The following TAB3 variants were observed in gnomAD, a reference collection of about 807,000 sequenced individuals.
TAB3 encodes TGF-beta-activated kinase 1 and MAP3K7-binding protein 3.
Under a neutral mutation model 48.1 loss-of-function variants are expected in TAB3, and 18 were observed. The observed-to-expected ratio is 0.37, with a 90% confidence interval of 0.26 to 0.55. The LOEUF (loss-of-function observed/expected upper bound fraction) is 0.55. Among genes scored for constraint, TAB3 ranks in the 20% least tolerant of loss-of-function variants. The pLI is 0.78. For synonymous variants in TAB3, 185 were observed against 190.2 expected (o/e 0.97, Z 0.22); for missense variants, 414 against 549.8 (o/e 0.75, Z 2.47).
chrX:30,859,026 C>T (rs1939163551), intron 5 of TAB3, among the ~76,000 whole-genome samples: 1 of 111,422 alleles, frequency 9.0e-6, no homozygotes. Context: ...ATTCAAAATT[C>T]AACTCTAAGG....
intron 1 of TAB3, among the ~76,000 whole-genome samples, chrX:30,880,000 C>A (rs1237232603): frequency 9.0e-6 from 1 of 111,471 alleles, no homozygotes; most frequent in African/African-American, 3.3e-5. Flanking sequence ...GAACAATCTT[C>A]CGGAGAAAAT....
intron 5 of TAB3, among the ~76,000 whole-genome samples, chrX:30,857,116 T>TA (rs1297966433): frequency 1.8e-5 from 2 of 112,161 alleles, no homozygotes; most frequent in African/African-American, 6.5e-5. Flanking sequence ...TCAAATACTT[T>TA]AAAAAATGAG....
At position 30,827,501 on chromosome X, in the gene TAB3, G is replaced by GT. The variant is rs1305494363; in HGVS notation, c.*3925dup. On this transcript the variant is annotated 3_prime_UTR_variant, in exon 11 of 11. Transcript: ENST00000288422. ...ATCTTTGACTTTCCGAATATGTACT[G>GT]TTTGGAGGTACGATGCATGCAGAGC... 57 of 112,668 alleles carry GT rather than the reference G, an allele frequency of 5.1e-4. No homozygotes were observed. The highest frequency in any genetic ancestry group is 1.7e-3 in the African/African-American group (54 of 30,996). 9.3% of individuals were successfully genotyped at this position (112,668 alleles called of 1,213,427 possible). A position where few individuals can be genotyped will look rare whatever the true frequency, so the allele number is the denominator to read the frequency against.
chrX:30,835,716 C>T (rs1382169635), intron 9 of TAB3: 3 of 112,503 alleles, frequency 2.7e-5, no homozygotes, highest in African/African-American at 6.5e-5. Context: ...CACGTACACA[C>T]TGTATTGCTT....
At chrX:30,853,485 C>T (rs1211403236) in intron 6 of TAB3, among the ~76,000 whole-genome samples, 3 of 111,690 alleles carry the variant, frequency 2.7e-5, no homozygotes, top group Non-Finnish European at 5.6e-5. Context: ...CAAATTCTTT[C>T]GTTTGATGAA....
In TAB3 at chrX:30,828,017, GACAC is replaced by G. The variant is rs914184437; in HGVS notation, c.*3406_*3409del. ...TTCTTTCTCTACAGATAGATATACA[GACAC>G]ACACGGTAACATGGACTCATTCAAG... On this transcript the variant is annotated 3_prime_UTR_variant, in exon 11 of 11. Coordinates refer to ENST00000288422, the MANE Select transcript of TAB3 (RefSeq NM_152787.5). 3 of 111,840 alleles carry G rather than the reference GACAC, an allele frequency of 2.7e-5. No homozygotes were observed. Among genetic ancestry groups the G allele is most frequent in the African/African-American group, 6.5e-5 (2 of 30,689 alleles). The allele number at this position is 111,840 out of a possible 1,213,427, so 9.2% of individuals were successfully genotyped here.
intron 9 of TAB3, among the ~76,000 whole-genome samples, chrX:30,840,078 A>G (rs2147334129): frequency 9.2e-6 from 1 of 108,928 alleles, no homozygotes; most frequent in East Asian, 2.9e-4. Flanking sequence ...GATGTCCATC[A>G]CTTTCCCTTA....
In TAB3 at chrX:30,828,959, T is replaced by C. The variant is rs781729140; in HGVS notation, c.*2468A>G. The C allele has an allele frequency of 8.9e-6, 1 of 112,321 alleles. No homozygotes were observed. The highest frequency in any genetic ancestry group is 1.9e-5 in the Non-Finnish European group (1 of 53,276). 9.3% of individuals were successfully genotyped at this position (112,321 alleles called of 1,213,427 possible). A position where few individuals can be genotyped will look rare whatever the true frequency, so the allele number is the denominator to read the frequency against. On this transcript the variant is annotated 3_prime_UTR_variant, in exon 11 of 11. Transcript: ENST00000288422. Reference sequence around the variant, plus strand: ...GTTAAACATACCAGATTTATCAGTGTCAAGTCATTTTGCCTATTTTAAAAC... The same window carrying C: ...GTTAAACATACCAGATTTATCAGTGCCAAGTCATTTTGCCTATTTTAAAAC...
At chrX:30,867,766 T>C (rs765481030) in intron 2 of TAB3, among the ~76,000 whole-genome samples, 7 of 111,110 alleles carry the variant, frequency 6.3e-5, no homozygotes, top group Non-Finnish European at 1.1e-4. Flanking sequence ...AAATTCTACA[T>C]TATCCCACAG....
chrX:30,831,816 G>C (rs1938040581), intron 10 of TAB3, among the ~76,000 whole-genome samples: 1 of 111,825 alleles, frequency 8.9e-6, no homozygotes, highest in African/African-American at 3.3e-5. Flanking sequence ...GTCCAGAATA[G>C]ATTGCCTTCC....
chrX:30,869,242 T>C (rs779770084), intron 2 of TAB3, among the ~76,000 whole-genome samples: 32 of 111,097 alleles, frequency 2.9e-4, no homozygotes, highest in Non-Finnish European at 5.5e-4. Context: ...TGTATTTTTG[T>C]AGAGATGGGG....
chrX:30,880,662 A>T (rs1375493045), intron 1 of TAB3, among the ~76,000 whole-genome samples: 1 of 111,548 alleles, frequency 9.0e-6, no homozygotes, highest in East Asian at 2.8e-4. Context: ...AGCATATAGT[A>T]AAAAACTCCT....
chrX:30,855,530 G>T lies in TAB3; in HGVS notation c.135C>A (p.Ala45=). 5 of 1,200,063 alleles carry T rather than the reference G, an allele frequency of 4.2e-6. No homozygotes were observed. The highest frequency in any genetic ancestry group is 5.6e-6 in the Non-Finnish European group (5 of 889,114). ...NNNNLEACCR[A]LSQESSKYLY... ...AGTATTTGCTACTCTCCTGGGAAAGGGCTCGGCAACAGGCTTCAAGATTGT... is the reference window on the plus strand; with the variant it reads ...AGTATTTGCTACTCTCCTGGGAAAGTGCTCGGCAACAGGCTTCAAGATTGT... The change falls in exon 6 of 11, where the codon GCC becomes GCA. Residue 45 remains alanine, a synonymous_variant. Coordinates refer to ENST00000288422, the MANE Select transcript of TAB3 (RefSeq NM_152787.5).
Position 30,855,338 on chromosome X carries a change from A to G in TAB3, c.327T>C (p.Pro109=). 8.3e-7 allele frequency: 1 copy of G among 1,211,792 alleles called. No individual in the cohort carries two copies. Among genetic ancestry groups the G allele is most frequent in the Non-Finnish European group, 1.1e-6 (1 of 895,502 alleles). ...VHSSSDGHID[P]QHAAGKQLIC... ...TCAGCTGTTTACCTGCTGCATGCTG[A>G]GGATCAATATGTCCATCACTTGAGC... is the stretch of plus-strand genomic sequence containing the variant. Residue 109 remains proline, a synonymous_variant, in exon 6 of 11, where the codon CCT becomes CCC. Transcript: ENST00000288422.
chrX:30,865,437 A>G (rs376965295), intron 4 of TAB3, among the ~76,000 whole-genome samples: 3 of 112,580 alleles, frequency 2.7e-5, no homozygotes. Context: ...CACAGTATGT[A>G]TATGAGTATA....
intron 9 of TAB3, among the ~76,000 whole-genome samples, chrX:30,834,358 C>T (rs1051177046): frequency 9.0e-6 from 1 of 111,572 alleles, no homozygotes; most frequent in African/African-American, 3.3e-5. Context: ...CAACTTTTTT[C>T]CATCTTCTCC....
chrX:30,846,691 A>G, intron 7 of TAB3, 47 bp from the exon 8 acceptor site: 2 of 858,736 alleles, frequency 2.3e-6, no homozygotes, highest in East Asian at 3.2e-5. Flanking sequence ...AGTCATTATC[A>G]AGCCCAACAT....
intron 8 of TAB3, chrX:30,846,199 C>A: frequency 2.0e-6 from 1 of 488,405 alleles, no homozygotes. Flanking sequence ...TTTGGGATCC[C>A]TTTTTACAGA....
At chrX:30,862,732 T>C (rs1260519844) in intron 4 of TAB3, among the ~76,000 whole-genome samples, 1 of 112,209 alleles carries the variant, frequency 8.9e-6, no homozygotes, top group Non-Finnish European at 1.9e-5. Context: ...AATGAACATA[T>C]GGCAGAATCA....
Sources: allele counts gnomAD v4.1 joint callset (sites outside exome capture counted in the v4.1 genomes callset), GRCh38; gene constraint gnomAD v4.1.1; transcripts MANE v1.5; gene names NCBI Gene and HGNC (gene_info 2026-07-23, HGNC 2026-07-21).